The following FAM177A1 variants were observed in gnomAD, a reference collection of about 807,000 sequenced individuals.
FAM177A1 encodes the protein family with sequence similarity 177 member A1.
In FAM177A1, 22 loss-of-function variants were observed where a neutral mutation model predicts 26.1. The observed-to-expected ratio is 0.84, with a 90% confidence interval of 0.60 to 1.20. The LOEUF is 1.20. Ranked by LOEUF, FAM177A1 falls within the 50% of genes most tolerant of loss-of-function variation. The probability of loss-of-function intolerance (pLI) is 0.00; values close to 1 mark genes in which losing one functional copy is unlikely to be tolerated. For synonymous variants in FAM177A1, 95 were observed against 99.3 expected (o/e 0.96, Z 0.26); for missense variants, 296 against 291.1 (o/e 1.02, Z -0.12).
intron 2 of FAM177A1, among the ~76,000 whole-genome samples, chr14:35,076,829 G>A (rs1354172088): frequency 2.0e-5 from 3 of 152,160 alleles, no homozygotes; most frequent in African/African-American, 4.8e-5. Flanking sequence ...CAAAAATGCA[G>A]CAAGACAGGA....
chr14:35,074,595 G>T (rs1436398039), intron 2 of FAM177A1, among the ~76,000 whole-genome samples: 1 of 151,806 alleles, frequency 6.6e-6, no homozygotes, highest in Non-Finnish European at 1.5e-5. Context: ...CAAAGTGCTG[G>T]GATTACAGAC....
At chr14:35,076,401 T>A (rs191514947) in intron 2 of FAM177A1, among the ~76,000 whole-genome samples, 12 of 151,812 alleles carry the variant, frequency 7.9e-5, no homozygotes, top group African/African-American at 2.7e-4. Context: ...ATGAGAACAC[T>A]TGGACACAGG....
chr14:35,078,941 G>A lies in FAM177A1; in HGVS notation c.421G>A (p.Gly141Arg). Residue 141 changes from glycine to arginine, a missense_variant, in exon 4 of 5, where the codon GGA (glycine) becomes AGA (arginine). Coordinates refer to ENST00000280987, the MANE Select transcript of FAM177A1 (RefSeq NM_173607.5). ...TSTLSVCDFL[G>R]EKIASVLGIS... ...TGTATTTTCAGTGTGTGACTTCCTT[G>A]GAGAGAAGATTGCATCTGTTTTGGG... is the stretch of plus-strand genomic sequence containing the variant. The A allele has an allele frequency of 6.5e-7, 1 of 1,540,726 alleles. No individual in the cohort carries two copies. The highest frequency in any genetic ancestry group is 8.6e-7 in the Non-Finnish European group (1 of 1,156,144).
intron 2 of FAM177A1, among the ~76,000 whole-genome samples, chr14:35,059,683 G>A (rs1433066326): frequency 2.6e-5 from 4 of 151,460 alleles, no homozygotes; most frequent in Non-Finnish European, 4.4e-5. Context: ...ACAGATGCAC[G>A]CCACCACGTC....
At chr14:35,069,102 G>A (rs965318327) in intron 2 of FAM177A1, among the ~76,000 whole-genome samples, 2 of 152,074 alleles carry the variant, frequency 1.3e-5, no homozygotes, top group African/African-American at 4.8e-5. Flanking sequence ...TAGCTCTGGG[G>A]TACTATTCTG....
intron 2 of FAM177A1, among the ~76,000 whole-genome samples, chr14:35,065,799 C>A (rs1229948010): frequency 6.7e-6 from 1 of 148,990 alleles, no homozygotes. Flanking sequence ...TCAAATGATT[C>A]TCCTGTCTCA....
At chr14:35,047,674 T>G (rs568141162) in intron 1 of FAM177A1, among the ~76,000 whole-genome samples, 1 of 152,052 alleles carries the variant, frequency 6.6e-6, no homozygotes, top group East Asian at 1.9e-4. Flanking sequence ...GCTTGAACCC[T>G]GGAGGTGGAG....
rs2045480999 is a variant in FAM177A1 at position 35,081,314 on chromosome 14, T to C, written c.*86T>C. On this transcript the variant is annotated 3_prime_UTR_variant, in exon 5 of 5. Transcript: ENST00000280987. The stretch of plus-strand genomic sequence containing the variant: ...ACATTCTTTATTCAGTGGGACTTAA[T>C]ACAATTATTTATATTTTAAATTATT... The C allele has an allele frequency of 4.2e-6, 5 of 1,190,162 alleles. No homozygotes were observed. Among genetic ancestry groups the C allele is most frequent in the Non-Finnish European group, 5.7e-6 (5 of 877,194 alleles). 73.7% of individuals were successfully genotyped at this position (1,190,162 alleles called of 1,614,324 possible).
chr14:35,063,847 C>T (rs2045197620), intron 2 of FAM177A1, among the ~76,000 whole-genome samples: 1 of 151,136 alleles, frequency 6.6e-6, no homozygotes, highest in South Asian at 2.1e-4. Context: ...TGAGACCAGC[C>T]TGGCCAACAT....
At chr14:35,058,975 G>A (rs533179986) in intron 2 of FAM177A1, among the ~76,000 whole-genome samples, 5 of 151,852 alleles carry the variant, frequency 3.3e-5, no homozygotes, top group East Asian at 1.9e-4. Context: ...TCACTCTGTC[G>A]CCCAGGCTGG....
intron 2 of FAM177A1, among the ~76,000 whole-genome samples, chr14:35,076,411 G>C (rs932480552): frequency 1.1e-4 from 16 of 151,692 alleles, no homozygotes; most frequent in Non-Finnish European, 8.8e-5. Flanking sequence ...TTGGACACAG[G>C]AAGGGGAACA....
chr14:35,057,586 G>A (rs2045081213), intron 2 of FAM177A1, among the ~76,000 whole-genome samples: 1 of 152,004 alleles, frequency 6.6e-6, no homozygotes, highest in African/African-American at 2.4e-5. Flanking sequence ...TCACCATGTT[G>A]GCCAGGCTGG....
At chr14:35,053,987 T>A (rs1465894380) in intron 2 of FAM177A1, among the ~76,000 whole-genome samples, 6 of 152,020 alleles carry the variant, frequency 3.9e-5, no homozygotes, top group Non-Finnish European at 7.4e-5. Flanking sequence ...AGCGAGACTC[T>A]GTCTCAAAAA....
At chr14:35,072,869 T>G (rs943154929) in intron 2 of FAM177A1, among the ~76,000 whole-genome samples, 1 of 152,196 alleles carries the variant, frequency 6.6e-6, no homozygotes, top group Non-Finnish European at 1.5e-5. Context: ...TCCTTTCATA[T>G]CTACCATATC....
chr14:35,048,840 G>A (rs968871400), intron 1 of FAM177A1, among the ~76,000 whole-genome samples: 25 of 151,618 alleles, frequency 1.6e-4, no homozygotes, highest in African/African-American at 5.8e-4. Flanking sequence ...ATAGGAGATA[G>A]GGTCTAGAAT....
intron 2 of FAM177A1, among the ~76,000 whole-genome samples, chr14:35,073,573 G>A (rs970472879): frequency 3.3e-5 from 5 of 152,200 alleles, no homozygotes; most frequent in Non-Finnish European, 7.3e-5. Context: ...AATTTTAAAA[G>A]GCAGTCCCTT....
rs142688306 is a variant in FAM177A1 at position 35,064,103 on chromosome 14, A to G, written c.339+10652A>G. ...GGTACTTCATGCCTTTAAGAGTGCA[A>G]TGGGCCAGGTGCAGTGGCTCACACC... On this transcript the variant is annotated intron_variant, in intron 2 of 4. Coordinates refer to ENST00000280987, the MANE Select transcript of FAM177A1 (RefSeq NM_173607.5). 7.5e-3 allele frequency among the ~76,000 whole-genome samples: 1,093 copies of G among 146,522 alleles called. 9 individuals carry two copies. Among genetic ancestry groups the G allele is most frequent in the African/African-American group, 0.02 (804 of 39,710 alleles).
rs2045349982 is a variant in FAM177A1, at chr14:35,073,262, G to T, written c.340-3888G>T. 2.0e-5 allele frequency among the ~76,000 whole-genome samples: 3 copies of T among 152,158 alleles called. No individual in the cohort carries two copies. In the South Asian group the frequency reaches 6.2e-4, roughly 32 times the overall value. ...TATTTTGTATTTTAGTAAAGACAGG[G>T]TTTCACCATGTTGCCCAGGCTGGTC... On this transcript the variant is annotated intron_variant, in intron 2 of 4. Coordinates refer to ENST00000280987, the MANE Select transcript of FAM177A1 (RefSeq NM_173607.5).
chr14:35,066,581 T>A (rs1030746422), intron 2 of FAM177A1, among the ~76,000 whole-genome samples: 2 of 151,354 alleles, frequency 1.3e-5, no homozygotes, highest in Non-Finnish European at 2.9e-5. Flanking sequence ...ATTTTTGTAT[T>A]TTTAGTAGAG....
Sources: allele counts gnomAD v4.1 joint callset (sites outside exome capture counted in the v4.1 genomes callset), GRCh38; gene constraint gnomAD v4.1.1; transcripts MANE v1.5; gene names NCBI Gene and HGNC (gene_info 2026-07-23, HGNC 2026-07-21).